The following LMX1A variants were observed in gnomAD, a reference collection of about 807,000 sequenced individuals.
The protein encoded by LMX1A is LIM homeobox transcription factor 1-alpha.
A neutral mutation model predicts 49.1 loss-of-function variants in LMX1A; 15 were observed. The ratio of observed to expected loss-of-function variants is 0.31; its 90% confidence interval spans 0.20 to 0.47. The LOEUF (loss-of-function observed/expected upper bound fraction) is 0.47. Among genes scored for constraint, LMX1A ranks in the 20% least tolerant of loss-of-function variants. The pLI, the probability that LMX1A is intolerant of heterozygous loss-of-function variation, is 1.00. For synonymous variants in LMX1A, 167 were observed against 185.7 expected (o/e 0.90, Z 0.82); for missense variants, 372 against 475.8 (o/e 0.78, Z 2.03).
intron 3 of LMX1A, among the ~76,000 whole-genome samples, chr1:165,299,014 C>T (rs1654701980): frequency 6.6e-6 from 1 of 152,000 alleles, no homozygotes; most frequent in South Asian, 2.1e-4. Context: ...TTTATTTTTC[C>T]CATTTTGTAG....
chr1:165,320,668 GTAT>G (rs1198428185), intron 3 of LMX1A, among the ~76,000 whole-genome samples: 1 of 152,164 alleles, frequency 6.6e-6, no homozygotes, highest in Non-Finnish European at 1.5e-5. Flanking sequence ...ACCCTGTGAA[GTAT>G]TAATATTTGC....
At chr1:165,291,442 A>G (rs1654463818) in intron 3 of LMX1A, among the ~76,000 whole-genome samples, 1 of 152,146 alleles carries the variant, frequency 6.6e-6, no homozygotes, top group Admixed American at 6.5e-5. Context: ...ATTTGGGCCC[A>G]TCATTTTACC....
At chr1:165,240,947 A>G (rs374937733) in intron 4 of LMX1A, among the ~76,000 whole-genome samples, 1 of 152,214 alleles carries the variant, frequency 6.6e-6, no homozygotes, top group South Asian at 2.1e-4. Flanking sequence ...TGACCACTGT[A>G]TGCATCAGTT....
chr1:165,206,182 T>A (rs1013836257), intron 7 of LMX1A, 148 bp from the exon 8 acceptor site: 9 of 659,656 alleles, frequency 1.4e-5, no homozygotes, highest in East Asian at 6.0e-5. Flanking sequence ...CCATCAGGAA[T>A]CACCTTGGAG....
intron 3 of LMX1A, among the ~76,000 whole-genome samples, chr1:165,333,305 G>A (rs188700811): frequency 6.6e-6 from 1 of 152,128 alleles, no homozygotes; most frequent in African/African-American, 2.4e-5. Context: ...TTACAGGCAT[G>A]TGCCACCACG....
Position 165,203,873 on chromosome 1 carries a change from G to T in LMX1A, c.*7C>A. 2 of 1,613,722 alleles carry T rather than the reference G, an allele frequency of 1.2e-6. No individual in the cohort carries two copies. Among genetic ancestry groups the T allele is most frequent in the Non-Finnish European group, 1.7e-6 (2 of 1,179,742 alleles). ...GGGAGCCTAGTCACAGAACTCTAGG[G>T]GAAGACTCAAGATGTGAAGTAAGAA... On this transcript the variant is annotated 3_prime_UTR_variant, in exon 9 of 9. Transcript: ENST00000342310.
chr1:165,328,121 A>G lies in LMX1A; in HGVS notation c.263+24955T>C, dbSNP rs565484968. Among the ~76,000 whole-genome samples the G allele has an allele frequency of 3.2e-4, 48 of 152,358 alleles. 1 individual carries two copies. Among genetic ancestry groups the G allele is most frequent in the Admixed American group, 2.8e-3 (43 of 15,304 alleles). ...CACAAGCCAGGAGAAAGAAAATTGC[A>G]TTAACAAAAACACCAACCTGCACCC... On this transcript the variant is annotated intron_variant, in intron 3 of 8. Coordinates refer to ENST00000342310, the MANE Select transcript of LMX1A (RefSeq NM_177398.4).
At chr1:165,215,377 C>A (rs779307725) in intron 4 of LMX1A, among the ~76,000 whole-genome samples, 2 of 152,136 alleles carry the variant, frequency 1.3e-5, no homozygotes, top group Non-Finnish European at 2.9e-5. Context: ...CTAACAAGAA[C>A]CTCATTTTTC....
chr1:165,310,954 A>G (rs79606648), intron 3 of LMX1A, among the ~76,000 whole-genome samples: 2,592 of 152,336 alleles, frequency 0.017, 44 homozygotes, highest in Non-Finnish European at 0.023. Flanking sequence ...AAAAGTTACC[A>G]TTATGACAAT....
At chr1:165,299,825 A>C (rs1199770164) in intron 3 of LMX1A, among the ~76,000 whole-genome samples, 1 of 150,952 alleles carries the variant, frequency 6.6e-6, no homozygotes, top group Non-Finnish European at 1.5e-5. Context: ...CTGTACTATT[A>C]GCAACCTGCA....
At chr1:165,209,557 A>T (rs1441065309) in intron 6 of LMX1A, among the ~76,000 whole-genome samples, 1 of 152,190 alleles carries the variant, frequency 6.6e-6, no homozygotes, top group Non-Finnish European at 1.5e-5. Context: ...TACATTATGA[A>T]ACCTCCATAA....
At chr1:165,289,600 A>C (rs1458232190) in intron 3 of LMX1A, among the ~76,000 whole-genome samples, 1 of 152,274 alleles carries the variant, frequency 6.6e-6, no homozygotes, top group Non-Finnish European at 1.5e-5. Context: ...CTGAATAGTC[A>C]TTAGGTGCAC....
chr1:165,274,169 C>A (rs926411181), intron 3 of LMX1A, among the ~76,000 whole-genome samples: 3 of 152,218 alleles, frequency 2.0e-5, no homozygotes, highest in African/African-American at 7.2e-5. Context: ...ATGACTTTTT[C>A]TCTCTTTTCT....
Position 165,203,143 on chromosome 1 carries a change from T to C in LMX1A, c.*737A>G, listed in dbSNP as rs568156048. On this transcript the variant is annotated 3_prime_UTR_variant, in exon 9 of 9. Coordinates refer to ENST00000342310, the MANE Select transcript of LMX1A (RefSeq NM_177398.4). ...ATTCTGTCCCACCCCTGCCCAGTGATTCAACCCCAAAGAGAGCAAGAATGC... is the reference window on the plus strand; with the variant it reads ...ATTCTGTCCCACCCCTGCCCAGTGACTCAACCCCAAAGAGAGCAAGAATGC... 6.6e-6 allele frequency: 1 copy of C among 152,532 alleles called. No individual in the cohort carries two copies. Among genetic ancestry groups the C allele is most frequent in the South Asian group, 2.1e-4 (1 of 4,814 alleles). The allele number at this position is 152,532 out of a possible 1,614,324, so 9.4% of individuals were successfully genotyped here.
chr1:165,266,036 G>C (rs1358327174), intron 3 of LMX1A, among the ~76,000 whole-genome samples: 1 of 152,176 alleles, frequency 6.6e-6, no homozygotes, highest in South Asian at 2.1e-4. Flanking sequence ...GGGTGCCTAT[G>C]ATTCTAGCTG....
intron 4 of LMX1A, among the ~76,000 whole-genome samples, chr1:165,220,152 G>C (rs1358436647): frequency 1.3e-5 from 2 of 152,072 alleles, no homozygotes; most frequent in Non-Finnish European, 2.9e-5. Flanking sequence ...ACTGTGAGGG[G>C]ATAAAAAAGA....
At chr1:165,231,187 T>A (rs1652228066) in intron 4 of LMX1A, among the ~76,000 whole-genome samples, 1 of 152,178 alleles carries the variant, frequency 6.6e-6, no homozygotes, top group African/African-American at 2.4e-5. Context: ...TTGCTTTATA[T>A]AACTGCACAT....
intron 3 of LMX1A, among the ~76,000 whole-genome samples, chr1:165,348,346 C>G (rs1311639566): frequency 6.6e-6 from 1 of 152,022 alleles, no homozygotes; most frequent in Non-Finnish European, 1.5e-5. Context: ...GAAAGTCTTA[C>G]CCAGGGACCA....
chr1:165,262,153 C>T (rs1653460741), intron 3 of LMX1A, among the ~76,000 whole-genome samples: 1 of 152,172 alleles, frequency 6.6e-6, no homozygotes, highest in South Asian at 2.1e-4. Flanking sequence ...CCAAGTGAAA[C>T]TCTCACCAGC....
Sources: gnomAD v4.1 joint callset for allele counts (sites outside exome capture counted in the v4.1 genomes callset) on GRCh38, gnomAD v4.1.1 for gene constraint, MANE v1.5 for transcripts, NCBI Gene and HGNC (gene_info 2026-07-23, HGNC 2026-07-21) for gene names.